Variants in MARVELD2 observed in about 807,000 individuals in gnomAD.
MARVELD2 encodes the protein MARVEL domain-containing protein 2.
In MARVELD2, 49 loss-of-function variants were observed where a neutral mutation model predicts 57.6. That is an observed-to-expected ratio of 0.85 (90% CI 0.68 to 1.08). The LOEUF (loss-of-function observed/expected upper bound fraction) is 1.08, where lower values mean the gene tolerates loss of function less well. Ranked by LOEUF, MARVELD2 falls within the 50% of genes least tolerant of loss-of-function variation. The probability of loss-of-function intolerance (pLI) is 0.00; values close to 1 mark genes in which losing one functional copy is unlikely to be tolerated. For synonymous variants in MARVELD2, 238 were observed against 258.8 expected (o/e 0.92, Z 0.77); for missense variants, 606 against 701.1 (o/e 0.86, Z 1.53).
In MARVELD2 at chr5:69,419,700, T is replaced by C; in HGVS notation, c.315T>C (p.Asp105=). 1 of 1,614,114 alleles carries C rather than the reference T, an allele frequency of 6.2e-7. No individual in the cohort carries two copies. The highest frequency in any genetic ancestry group is 2.2e-5 in the East Asian group (1 of 44,880). ...CCGAATGGGATAAGCCGGTGTCTGA[T>C]ATCAGGTACATCTCCGATGGAGTGG... ...KDPEWDKPVS[D]IRYISDGVEC... is the part of the protein sequence containing the mutation. The change falls in exon 2 of 7, where the codon GAT becomes GAC. Residue 105 remains aspartate (D), a synonymous_variant. Coordinates refer to ENST00000325631, the MANE Select transcript of MARVELD2 (RefSeq NM_001038603.3).
At chr5:69,436,072 A>G (rs937385650) in intron 5 of MARVELD2, among the ~76,000 whole-genome samples, 1 of 152,228 alleles carries the variant, frequency 6.6e-6, no homozygotes, top group Non-Finnish European at 1.5e-5. Flanking sequence ...ATGTCTATAT[A>G]GTCATTTCCA....
chr5:69,435,022 CTTT>C (rs754658859), intron 5 of MARVELD2, among the ~76,000 whole-genome samples: 3 of 121,690 alleles, frequency 2.5e-5, no homozygotes, highest in Admixed American at 8.7e-5. Context: ...CAGATGTACT[CTTT>C]TTTTTTTTTT....
rs1169103174 is a variant in MARVELD2 at position 69,442,688 on chromosome 5, G to A, written c.*1034G>A. On this transcript the variant is annotated 3_prime_UTR_variant, in exon 7 of 7. Coordinates refer to ENST00000325631, the MANE Select transcript of MARVELD2 (RefSeq NM_001038603.3). ...TTTGTGGTGTTAACTCATGGCCTTA[G>A]CCTGGTGCTTCACTGTGGCTCTGTG... 6.6e-6 allele frequency: 1 copy of A among 152,230 alleles called. No homozygotes were observed. Among genetic ancestry groups the A allele is most frequent in the Non-Finnish European group, 1.5e-5 (1 of 68,076 alleles). 9.4% of individuals were successfully genotyped at this position (152,230 alleles called of 1,614,324 possible). A position where few individuals can be genotyped will look rare whatever the true frequency, so the allele number is the denominator to read the frequency against.
At chr5:69,419,249 C>A in intron 1 of MARVELD2, 122 bp from the exon 2 acceptor site, 2 of 1,012,156 alleles carry the variant, frequency 2.0e-6, no homozygotes, top group Non-Finnish European at 3.0e-6. Context: ...TTTTGTATAT[C>A]ATAATAATTA....
Position 69,419,871 on chromosome 5 carries a change from A to G in MARVELD2, c.486A>G (p.Leu162=). Residue 162 remains leucine, a synonymous_variant, in exon 2 of 7, where the codon CTA becomes CTG. Transcript: ENST00000325631. The part of the protein sequence containing the change: ...AVFPRDPYGS[L]DRHTQTVRTY... ...TTCCCCGGGATCCCTATGGATCTCT[A>G]GACCGACACACACAAACAGTTCGAA... is the stretch of plus-strand genomic sequence containing the variant. 1 of 1,614,178 alleles carries G rather than the reference A, an allele frequency of 6.2e-7. No individual in the cohort carries two copies.
chr5:69,424,499 C>T, intron 2 of MARVELD2, 102 bp from the exon 3 acceptor site: 1 of 940,966 alleles, frequency 1.1e-6, no homozygotes, highest in Admixed American at 1.9e-5. Flanking sequence ...AGAGGATCAA[C>T]CTCTTAAAAT....
chr5:69,433,915 T>C (rs910618423), intron 5 of MARVELD2, among the ~76,000 whole-genome samples: 2 of 152,034 alleles, frequency 1.3e-5, no homozygotes, highest in Non-Finnish European at 2.9e-5. Flanking sequence ...ATTTCTTCTT[T>C]TTTTTTTTTC....
intron 5 of MARVELD2, among the ~76,000 whole-genome samples, chr5:69,436,789 T>C (rs1471727921): frequency 1.3e-5 from 2 of 152,070 alleles, no homozygotes; most frequent in Non-Finnish European, 2.9e-5. Flanking sequence ...CAGCACAGGC[T>C]GGGAAATGCA....
intron 2 of MARVELD2, 51 bp downstream of exon 2, chr5:69,420,582 T>C: frequency 6.5e-7 from 1 of 1,543,636 alleles, no homozygotes; most frequent in East Asian, 2.2e-5. Flanking sequence ...GTTTTTTCTG[T>C]TATTTGCTCC....
chr5:69,422,438 T>C (rs1766658111), intron 2 of MARVELD2, among the ~76,000 whole-genome samples: 1 of 152,124 alleles, frequency 6.6e-6, no homozygotes, highest in Non-Finnish European at 1.5e-5. Flanking sequence ...TTTACAATCA[T>C]AGATAAGGGA....
intron 3 of MARVELD2, among the ~76,000 whole-genome samples, chr5:69,427,311 T>G (rs1447649881): frequency 6.6e-6 from 1 of 152,144 alleles, no homozygotes; most frequent in Non-Finnish European, 1.5e-5. Context: ...GGCCTGTGCA[T>G]TATTATATTA....
In MARVELD2 at chr5:69,442,898, G is replaced by A. The variant is rs1246337402; in HGVS notation, c.*1244G>A. 2.0e-5 allele frequency: 3 copies of A among 147,586 alleles called. No individual in the cohort carries two copies. Among genetic ancestry groups the A allele is most frequent in the East Asian group, 2.0e-4 (1 of 5,024 alleles). 9.1% of individuals were successfully genotyped at this position (147,586 alleles called of 1,614,324 possible). ...GACTGGAGTGCAGTGGTGCGATCTC[G>A]GCTCACTGCAAGCTCCGCCTCCCAA... On this transcript the variant is annotated 3_prime_UTR_variant, in exon 7 of 7. Coordinates refer to ENST00000325631, the MANE Select transcript of MARVELD2 (RefSeq NM_001038603.3).
Position 69,443,711 on chromosome 5 carries a change from TAATG to T in MARVELD2, c.*2058_*2061del. 1 of 152,264 alleles carries T rather than the reference TAATG, an allele frequency of 6.6e-6. No homozygotes were observed. Among genetic ancestry groups the T allele is most frequent in the African/African-American group, 2.4e-5 (1 of 41,560 alleles). 9.4% of individuals were successfully genotyped at this position (152,264 alleles called of 1,614,324 possible). A position where few individuals can be genotyped will look rare whatever the true frequency, so the allele number is the denominator to read the frequency against. On this transcript the variant is annotated 3_prime_UTR_variant, in exon 7 of 7. Coordinates refer to ENST00000325631, the MANE Select transcript of MARVELD2 (RefSeq NM_001038603.3). ...CTAATATAGCTGCCATTCAGACAAT[TAATG>T]TTCAAAGAGTTTTCTAAAGTGATAA...
chr5:69,415,997 A>G (rs1182987029), intron 1 of MARVELD2, among the ~76,000 whole-genome samples: 1 of 152,206 alleles, frequency 6.6e-6, no homozygotes, highest in Admixed American at 6.5e-5. Flanking sequence ...TAAAAATCAC[A>G]TTATCTTGCT....
intron 5 of MARVELD2, among the ~76,000 whole-genome samples, chr5:69,433,356 G>A (rs1767031124): frequency 6.6e-6 from 1 of 151,522 alleles, no homozygotes. Context: ...GTGGAGACGC[G>A]GTTTTGCCAT....
Position 69,419,824 on chromosome 5 carries a change from C to T in MARVELD2, c.439C>T (p.Arg147Trp), listed in dbSNP as rs568823981. Reference protein sequence around the residue: ...YGGSEGTFSSRKEADAVFPRD... With the variant: ...YGGSEGTFSSWKEADAVFPRD... The stretch of plus-strand genomic sequence containing the variant: ...AGGGTCAGAAGGAACCTTTAGTTCC[C>T]GGAAAGAGGCTGACGCAGTGTTTCC... The change falls in exon 2 of 7, where the codon CGG (arginine) becomes TGG (tryptophan). Residue 147 changes from arginine to tryptophan, a missense_variant. Coordinates refer to ENST00000325631, the MANE Select transcript of MARVELD2 (RefSeq NM_001038603.3). The T allele has an allele frequency of 3.6e-5, 58 of 1,614,014 alleles. No individual in the cohort carries two copies. Among genetic ancestry groups the T allele is most frequent in the Non-Finnish European group, 4.5e-5 (53 of 1,180,050 alleles).
intron 5 of MARVELD2, among the ~76,000 whole-genome samples, chr5:69,435,022 CTTTT>C (rs754658859): frequency 8.2e-6 from 1 of 121,692 alleles, no homozygotes. Context: ...CAGATGTACT[CTTTT>C]TTTTTTTTTT....
chr5:69,423,866 A>AT (rs1302526227), intron 2 of MARVELD2, among the ~76,000 whole-genome samples: 1 of 152,116 alleles, frequency 6.6e-6, no homozygotes, highest in Non-Finnish European at 1.5e-5. Context: ...TATTTCTTAC[A>AT]TTTTTGTTTT....
intron 4 of MARVELD2, 104 bp downstream of exon 4, chr5:69,432,779 C>A (rs909251811): frequency 6.4e-7 from 1 of 1,570,452 alleles, no homozygotes; most frequent in Non-Finnish European, 8.8e-7. Flanking sequence ...TGCTTAAAAT[C>A]GTGTATGTAA....
Sources: allele counts gnomAD v4.1 joint callset (sites outside exome capture counted in the v4.1 genomes callset), GRCh38; gene constraint gnomAD v4.1.1; transcripts MANE v1.5; gene names NCBI Gene and HGNC (gene_info 2026-07-23, HGNC 2026-07-21).